Variants in GRB7 observed in about 807,000 individuals in gnomAD.
The protein encoded by GRB7 is growth factor receptor bound protein 7.
GRB7 carries 47 observed loss-of-function variants against 64.1 expected under a neutral mutation model. The observed-to-expected ratio is 0.73, with a 90% CI of 0.58 to 0.94. The LOEUF (loss-of-function observed/expected upper bound fraction) is 0.94. Ranked by LOEUF, GRB7 falls within the 40% of genes least tolerant of loss-of-function variation. The pLI, the probability that GRB7 is intolerant of heterozygous loss-of-function variation, is 0.00. For synonymous variants in GRB7, 277 were observed against 279.9 expected (o/e 0.99, Z 0.10); for missense variants, 634 against 718.4 (o/e 0.88, Z 1.34).
chr17:39,744,949 C>T lies in GRB7; in HGVS notation c.976C>T (p.Arg326Cys), dbSNP rs199623806. Residue 326 changes from arginine to cysteine, a missense_variant, in exon 9 of 15, where the codon CGC becomes TGC. Physicochemically the swap from Arg to Cys is radical, Grantham distance 180. Around this residue, in one of 2 missense-constraint regions of GRB7, gnomAD observed 467 missense variants for 576.6 expected, o/e 0.81. Coordinates refer to ENST00000309156, the MANE Select transcript of GRB7 (RefSeq NM_005310.5). ...RIFCSEDEQS[R>C]TCWLAAFRLF... ...CTTCTGCAGTGAAGATGAGCAGAGC[C>T]GCACCTGCTGGCTGGCTGCCTTCCG... is the stretch of plus-strand genomic sequence containing the variant. The T allele has an allele frequency of 1.3e-4, 216 of 1,613,912 alleles. No homozygotes were observed. The highest frequency in any genetic ancestry group is 7.1e-5 in the Non-Finnish European group (84 of 1,179,962).
intron 10 of GRB7, 37 bp downstream of exon 10, chr17:39,745,360 A>G (rs1259552554): frequency 6.2e-7 from 1 of 1,605,098 alleles, no homozygotes; most frequent in Non-Finnish European, 8.5e-7. Context: ...GTGGGTATGC[A>G]GGCCCTGTCT....
At position 39,746,777 on chromosome 17, in the gene GRB7, C is replaced by T. The variant is rs745675629; in HGVS notation, c.1479C>T (p.Phe493=). ...LPSEEEGRLY[F]SMDDGQTRFT... is the part of the protein sequence containing the mutation. ...GCGAGGAGGAGGGCCGCCTGTACTT[C>T]AGCATGGATGATGGCCAGACCCGCT... The change falls in exon 15 of 15, where the codon TTC becomes TTT. Residue 493 remains phenylalanine, a synonymous_variant. Coordinates refer to ENST00000309156, the MANE Select transcript of GRB7 (RefSeq NM_005310.5). 4 of 1,614,140 alleles carry T rather than the reference C, an allele frequency of 2.5e-6. No homozygotes were observed. In the Admixed American group the frequency reaches 6.7e-5, roughly 27 times the overall value.
chr17:39,740,666 T>A (rs572087364), intron 1 of GRB7, among the ~76,000 whole-genome samples: 1 of 152,286 alleles, frequency 6.6e-6, no homozygotes, highest in East Asian at 1.9e-4. Context: ...CCCCATCCTG[T>A]TCCCAGCCCC....
chr17:39,741,990 AAAGGAG>A (rs747575199), intron 1 of GRB7, among the ~76,000 whole-genome samples: 3,886 of 151,040 alleles, frequency 0.026, 73 homozygotes, highest in Non-Finnish European at 0.041. Flanking sequence ...AAAAAAAAAA[AAAGGAG>A]AAAAAAAACA....
At chr17:39,745,396 C>T in intron 10 of GRB7, 26 bp from the exon 11 acceptor site, 3 of 1,611,556 alleles carry the variant, frequency 1.9e-6, no homozygotes, top group South Asian at 1.1e-5. Flanking sequence ...CCTGTTCTGA[C>T]CTCTCTCCTC....
Position 39,747,119 on chromosome 17 carries a change from G to GC in GRB7, c.*227dup. The GC allele has an allele frequency of 3.6e-6, 2 of 560,744 alleles. No individual in the cohort carries two copies. The highest frequency in any genetic ancestry group is 4.8e-5 in the South Asian group (2 of 41,898). 34.7% of individuals were successfully genotyped at this position (560,744 alleles called of 1,614,324 possible). ...TCTCCTCAAGGGAAGGCCTTGGGTGGCCCCCTCTCCTTCTCCTAGCTCTGG... is the reference window on the plus strand; with the variant it reads ...TCTCCTCAAGGGAAGGCCTTGGGTGGCCCCCCTCTCCTTCTCCTAGCTCTGG... On this transcript the variant is annotated 3_prime_UTR_variant, in exon 15 of 15. Transcript: ENST00000309156.
intron 9 of GRB7, 82 bp downstream of exon 9, chr17:39,745,066 G>A: frequency 8.0e-7 from 1 of 1,250,496 alleles, no homozygotes. Flanking sequence ...CAGGAATGAG[G>A]AGGGCATCAC....
rs775992062 is a variant in GRB7 at position 39,744,090 on chromosome 17, C to A, written c.684C>A (p.Ser228Arg). The A allele has an allele frequency of 1.9e-6, 3 of 1,614,186 alleles. No homozygotes were observed. The highest frequency in any genetic ancestry group is 2.5e-6 in the Non-Finnish European group (3 of 1,180,026). Residue 228 changes from serine to arginine, a missense_variant, in exon 7 of 15, where the codon AGC (serine) becomes AGA (arginine). Physicochemically the swap from Ser to Arg is moderately radical, Grantham distance 110 (BLOSUM62 -1). Around this residue, in one of 2 missense-constraint regions of GRB7, gnomAD observed 467 missense variants for 576.6 expected, o/e 0.81. Transcript: ENST00000309156. ...CTCAGAACTTCCTGAATGCTGGCAG[C>A]TTTCCTGAGATCCAGGGCTTTCTGC... Reference protein sequence around the residue: ...DLIQNFLNAGSFPEIQGFLQL... With the variant: ...DLIQNFLNAGRFPEIQGFLQL...
chr17:39,745,718 T>C lies in GRB7; in HGVS notation c.1210-10T>C. The C allele has an allele frequency of 6.2e-7, 1 of 1,613,220 alleles. No individual in the cohort carries two copies. The stretch of plus-strand genomic sequence containing the variant: ...GCCCCGACTCTCCCGTATCTCCCAC[T>C]GCTCCACAGAAGAAGACAAACCACC... On this transcript the variant is annotated splice_polypyrimidine_tract_variant and intron_variant, in intron 11 of 14. Transcript: ENST00000309156.
Position 39,746,715 on chromosome 17 carries a change from C to T in GRB7, c.1453-36C>T, listed in dbSNP as rs2060050320. The T allele has an allele frequency of 2.5e-6, 4 of 1,603,074 alleles. No homozygotes were observed. In the South Asian group the frequency reaches 3.3e-5, roughly 13 times the overall value. ...GAGGGAGCTTCCCAAGCCTCGGGCC[C>T]CTCCCTGAACTTCCACCCCCTTTAC... On this transcript the variant is annotated intron_variant, in intron 14 of 14. Transcript: ENST00000309156.
Position 39,745,697 on chromosome 17 carries a change from C to T in GRB7, c.1210-31C>T, listed in dbSNP as rs200607681. The T allele has an allele frequency of 1.0e-3, 1,677 of 1,611,270 alleles. 6 individuals carry two copies. Among genetic ancestry groups the T allele is most frequent in the South Asian group, 1.6e-3 (144 of 90,986 alleles). ...CTGGGTAATGCCCCCAAGCACGCCCCGACTCTCCCGTATCTCCCACTGCTC... is the reference window on the plus strand; with the variant it reads ...CTGGGTAATGCCCCCAAGCACGCCCTGACTCTCCCGTATCTCCCACTGCTC... On this transcript the variant is annotated intron_variant, in intron 11 of 14. Coordinates refer to ENST00000309156, the MANE Select transcript of GRB7 (RefSeq NM_005310.5).
Position 39,742,563 on chromosome 17 carries a change from C to T in GRB7, c.156-3C>T, listed in dbSNP as rs2060004678. 1 of 1,613,920 alleles carries T rather than the reference C, an allele frequency of 6.2e-7. No homozygotes were observed. Among genetic ancestry groups the T allele is most frequent in the South Asian group, 1.1e-5 (1 of 91,078 alleles). The stretch of plus-strand genomic sequence containing the variant: ...CCTCTCTCCCTTTTTCTTCTTGCCA[C>T]AGGAAACTTCGAGAGGAGGAGAGGC... On this transcript the variant is annotated splice_polypyrimidine_tract_variant and splice_region_variant and intron_variant, in intron 2 of 14. Transcript: ENST00000309156.
In GRB7 at chr17:39,747,145, A is replaced by AG; in HGVS notation, c.*250dup. 3.7e-6 allele frequency: 2 copies of AG among 539,976 alleles called. No individual in the cohort carries two copies. 33.4% of individuals were successfully genotyped at this position (539,976 alleles called of 1,614,324 possible). A position where few individuals can be genotyped will look rare whatever the true frequency, so the allele number is the denominator to read the frequency against. On this transcript the variant is annotated 3_prime_UTR_variant, in exon 15 of 15. Transcript: ENST00000309156. The stretch of plus-strand genomic sequence containing the variant: ...CCCCCTCTCCTTCTCCTAGCTCTGG[A>AG]GGTGCTGCTCTAGGGCAGGGAATTA...
At position 39,742,432 on chromosome 17, in the gene GRB7, C is replaced by G. The variant is rs755535777; in HGVS notation, c.131C>G (p.Pro44Arg). 5 of 1,613,980 alleles carry G rather than the reference C, an allele frequency of 3.1e-6. No individual in the cohort carries two copies. In the South Asian group the frequency reaches 5.5e-5, roughly 18 times the overall value. Reference protein sequence around the residue: ...PLPEEVKRSQPLLIPTTGRKL... With the variant: ...PLPEEVKRSQRLLIPTTGRKL... ...CCTGAGGAGGTAAAGAGGTCCCAGC[C>G]TCTCCTCATCCCAACCACCGGCAGG... Residue 44 changes from proline (P) to arginine (R), a missense_variant, in exon 2 of 15, where the codon CCT (proline) becomes CGT (arginine). Pro to Arg is a moderately radical substitution (Grantham distance 103, BLOSUM62 -2). Coordinates refer to ENST00000309156, the MANE Select transcript of GRB7 (RefSeq NM_005310.5).
At position 39,746,950 on chromosome 17, in the gene GRB7, C is replaced by T; in HGVS notation, c.*53C>T. 6.4e-7 allele frequency: 1 copy of T among 1,561,200 alleles called. No homozygotes were observed. The highest frequency in any genetic ancestry group is 8.7e-7 in the Non-Finnish European group (1 of 1,154,984). On this transcript the variant is annotated 3_prime_UTR_variant, in exon 15 of 15. Transcript: ENST00000309156. Reference sequence around the variant, plus strand: ...GCCCGCCTTCAGGCTGCCCGCCGCCCCTCCACCCATCCAGTGGACTCTGGG... The same window carrying T: ...GCCCGCCTTCAGGCTGCCCGCCGCCTCTCCACCCATCCAGTGGACTCTGGG...
chr17:39,739,019 G>T, intron 1 of GRB7: 2 of 1,081,306 alleles, frequency 1.8e-6, no homozygotes, highest in African/African-American at 1.6e-5. Flanking sequence ...CCTGGGGAGA[G>T]TGGGGTGGGG....
rs36079893 is a variant in GRB7, at chr17:39,742,656, A to C, written c.246A>C (p.Pro82=). 0.068 allele frequency: 109,194 copies of C among 1,604,732 alleles called. 5,714 individuals are homozygous for C. Among genetic ancestry groups the C allele is most frequent in the African/African-American group, 0.27 (19,953 of 74,114 alleles). The change falls in exon 3 of 15, where the codon CCA becomes CCC. Residue 82 remains proline, a synonymous_variant. Coordinates refer to ENST00000309156, the MANE Select transcript of GRB7 (RefSeq NM_005310.5). ...PELCSPPSQS[P]ILGGPSSARG... ...TCTGCAGTCCTCCCTCACAGAGCCC[A>C]ATTCTCGGGGGCCCCTCCAGTGCAA... is the stretch of plus-strand genomic sequence containing the variant.
rs1230588376 is a variant in GRB7, at chr17:39,743,559, A to G, written c.663+89A>G. The stretch of plus-strand genomic sequence containing the variant: ...CCCTTAAGTCCTGTGCCTCCCCTCT[A>G]TGTTGTAGAAAGAGCCAAATCACAG... On this transcript the variant is annotated intron_variant, in intron 6 of 14. Transcript: ENST00000309156. 3 of 1,039,000 alleles carry G rather than the reference A, an allele frequency of 2.9e-6. No individual in the cohort carries two copies. The African/African-American group carries it at 4.7e-5, about 16-fold the overall frequency. The allele number at this position is 1,039,000 out of a possible 1,614,324, so 64.4% of individuals were successfully genotyped here.
intron 1 of GRB7, among the ~76,000 whole-genome samples, chr17:39,739,272 G>C (rs2143386611): frequency 6.6e-6 from 1 of 152,060 alleles, no homozygotes; most frequent in South Asian, 2.1e-4. Context: ...GGACCTCATG[G>C]AGGCGGGCAG....
Sources: gnomAD v4.1 joint callset for allele counts (sites outside exome capture counted in the v4.1 genomes callset) on GRCh38, gnomAD v4.1.1 for gene constraint, gnomAD v4.1.1 regional missense constraint, MANE v1.5 for transcripts, NCBI Gene and HGNC (gene_info 2026-07-23, HGNC 2026-07-21) for gene names.